Variants in FMO2 observed in about 807,000 individuals in gnomAD.
FMO2 encodes flavin-containing monooxygenase 2.
In FMO2, 33 loss-of-function variants were observed where a neutral mutation model predicts 41.6. That is an observed-to-expected ratio of 0.79 (90% CI 0.60 to 1.06). The LOEUF (loss-of-function observed/expected upper bound fraction) is 1.06, where lower values mean the gene tolerates loss of function less well. FMO2 is among the 50% of genes least tolerant of loss of function. The pLI, the probability that FMO2 is intolerant of heterozygous loss-of-function variation, is 0.00. For synonymous variants in FMO2, 214 were observed against 219.6 expected (o/e 0.97, Z 0.23); for missense variants, 619 against 632.9 (o/e 0.98, Z 0.23).
chr1:171,212,238 T>TTA lies in FMO2; in HGVS notation c.*3096_*3097dup, dbSNP rs1469435310. Among the ~76,000 whole-genome samples the TTA allele has an allele frequency of 5.9e-5, 9 of 152,178 alleles. No individual in the cohort carries two copies. The highest frequency in any genetic ancestry group is 2.2e-4 in the African/African-American group (9 of 41,442). On this transcript the variant is annotated 3_prime_UTR_variant, in exon 9 of 9. Coordinates refer to ENST00000209929, the MANE Select transcript of FMO2 (RefSeq NM_001460.5). ...TCCCATTATCTCAGGAGTGTGTTGG[T>TTA]TATAAAAGCAAGTTTGGCTCCCTCT...
At chr1:171,197,003 A>G (rs1245688513) in intron 4 of FMO2, among the ~76,000 whole-genome samples, 192 bp downstream of exon 4, 1 of 152,210 alleles carries the variant, frequency 6.6e-6, no homozygotes, top group African/African-American at 2.4e-5. Flanking sequence ...TTCATCACAC[A>G]TAGATCTCAG....
intron 7 of FMO2, 115 bp downstream of exon 7, chr1:171,205,749 G>A (rs1434974699): frequency 8.0e-6 from 5 of 628,914 alleles, no homozygotes; most frequent in Non-Finnish European, 1.3e-5. Flanking sequence ...TGACAACCTT[G>A]GCTGCTCTCA....
intron 5 of FMO2, among the ~76,000 whole-genome samples, chr1:171,201,054 A>G (rs552416837): frequency 2.0e-5 from 3 of 152,314 alleles, no homozygotes; most frequent in South Asian, 4.1e-4. Flanking sequence ...CTTGCCCTAC[A>G]GGAAGACTTA....
intron 2 of FMO2, among the ~76,000 whole-genome samples, chr1:171,191,977 G>A (rs1198880168): frequency 1.3e-5 from 2 of 151,984 alleles, no homozygotes; most frequent in Non-Finnish European, 2.9e-5. Context: ...TGATGCTGCC[G>A]TGAGCCATAA....
At position 171,185,736 on chromosome 1, in the gene FMO2, T is replaced by A. The variant is rs778169646; in HGVS notation, c.23T>A (p.Ile8Asn). MAKKVAV[I>N]GAGVSGLISL... Reference sequence around the variant, plus strand: ...CTGATGGCAAAGAAGGTAGCTGTGATTGGAGCTGGGGTCAGTGGCCTAATT... The same window carrying A: ...CTGATGGCAAAGAAGGTAGCTGTGAATGGAGCTGGGGTCAGTGGCCTAATT... Residue 8 changes from isoleucine to asparagine, a missense_variant, in exon 2 of 9, where the codon ATT (isoleucine) becomes AAT (asparagine). Coordinates refer to ENST00000209929, the MANE Select transcript of FMO2 (RefSeq NM_001460.5). 1 of 1,613,844 alleles carries A rather than the reference T, an allele frequency of 6.2e-7. No homozygotes were observed. Among genetic ancestry groups the A allele is most frequent in the Non-Finnish European group, 8.5e-7 (1 of 1,179,796 alleles).
In FMO2 at chr1:171,204,076, T is replaced by C; in HGVS notation, c.827+12T>C. 1.2e-6 allele frequency: 2 copies of C among 1,611,210 alleles called. No individual in the cohort carries two copies. Among genetic ancestry groups the C allele is most frequent in the Non-Finnish European group, 1.7e-6 (2 of 1,177,616 alleles). ...GAGCCTCAAAACAAGTAGAGTTATT[T>C]TGCTTTTTTAATGGTATACTCGTTG... On this transcript the variant is annotated intron_variant, in intron 6 of 8. Coordinates refer to ENST00000209929, the MANE Select transcript of FMO2 (RefSeq NM_001460.5).
At position 171,193,525 on chromosome 1, in the gene FMO2, T is replaced by TTCCTGACATATGCCAATTGCAAGATC; in HGVS notation, c.321+2_321+3insTCCTGACATATGCCAATTGCAAGATC. ...CTGCTAAAATATATTCAGTTCCAGG[T>TTCCTGACATATGCCAATTGCAAGATC]ATTGTATTTTTGGGGAAATGGGTTT... is the stretch of plus-strand genomic sequence containing the variant. On this transcript the variant is annotated splice_region_variant and intron_variant, in intron 3 of 8. Transcript: ENST00000209929. 6.3e-7 allele frequency: 1 copy of TTCCTGACATATGCCAATTGCAAGATC among 1,581,562 alleles called. No individual in the cohort carries two copies. Among genetic ancestry groups the TTCCTGACATATGCCAATTGCAAGATC allele is most frequent in the Non-Finnish European group, 8.7e-7 (1 of 1,155,298 alleles).
chr1:171,198,926 A>G (rs1658411956), intron 4 of FMO2, among the ~76,000 whole-genome samples: 1 of 151,680 alleles, frequency 6.6e-6, no homozygotes, highest in Non-Finnish European at 1.5e-5. Context: ...TGGTGTTGTG[A>G]CAGTCTCACT....
chr1:171,208,241 C>G (rs1658844178), intron 8 of FMO2, among the ~76,000 whole-genome samples: 1 of 152,112 alleles, frequency 6.6e-6, no homozygotes, highest in African/African-American at 2.4e-5. Flanking sequence ...AGGATTTGTA[C>G]TTTGTGATGA....
intron 4 of FMO2, among the ~76,000 whole-genome samples, chr1:171,197,958 C>T (rs1487014615): frequency 6.6e-6 from 1 of 152,146 alleles, no homozygotes; most frequent in Non-Finnish European, 1.5e-5. Context: ...ACTTCCTTCC[C>T]CTATAAAATA....
At chr1:171,205,161 G>A in intron 6 of FMO2, 118 bp from the exon 7 acceptor site, 2 of 601,028 alleles carry the variant, frequency 3.3e-6, no homozygotes, top group South Asian at 4.8e-5. Flanking sequence ...TTAAGTTAGA[G>A]TTTTACAGAT....
chr1:171,199,459 G>C lies in FMO2; in HGVS notation c.598G>C (p.Ala200Pro). 1 of 1,612,436 alleles carries C rather than the reference G, an allele frequency of 6.2e-7. No individual in the cohort carries two copies. Among genetic ancestry groups the C allele is most frequent in the Non-Finnish European group, 8.5e-7 (1 of 1,179,286 alleles). ...AATGGGAAACTCAGGCTCAGATATT[G>C]CTGTTGAGCTGAGTAAGAATGCTGC... ...IGMGNSGSDIAVELSKNAAQV... is the reference protein window; with the variant it reads ...IGMGNSGSDIPVELSKNAAQV... The change falls in exon 5 of 9, where the codon GCT becomes CCT. Residue 200 changes from alanine (A) to proline (P), a missense_variant. Ala to Pro is a conservative substitution (Grantham distance 27, BLOSUM62 -1). Coordinates refer to ENST00000209929, the MANE Select transcript of FMO2 (RefSeq NM_001460.5).
intron 3 of FMO2, among the ~76,000 whole-genome samples, chr1:171,195,211 C>A (rs1658254313): frequency 2.0e-5 from 3 of 152,136 alleles, no homozygotes; most frequent in Admixed American, 2.0e-4. Flanking sequence ...TGGTGTAAGT[C>A]ATAGGTGTTA....
At chr1:171,193,561 G>A (rs750290912) in intron 3 of FMO2, 38 bp downstream of exon 3, 6 of 1,292,808 alleles carry the variant, frequency 4.6e-6, no homozygotes, top group Non-Finnish European at 6.6e-6. Context: ...CTCTGCATTA[G>A]TTCAGCTCAT....
Position 171,205,403 on chromosome 1 carries a change from G to T in FMO2, c.952G>T (p.Val318Leu). Residue 318 changes from valine to leucine, a missense_variant, in exon 7 of 9, where the codon GTG becomes TTG. Transcript: ENST00000209929. ...ETSAIFEDGT[V>L]EENIDVIIFA... ...TTCTGCCATCTTTGAGGATGGAACA[G>T]TGGAGGAGAACATTGATGTCATCAT... The T allele has an allele frequency of 6.2e-7, 1 of 1,613,894 alleles. No individual in the cohort carries two copies.
Position 171,205,638 on chromosome 1 carries a change from A to C in FMO2, c.1183+4A>C. On this transcript the variant is annotated splice_donor_region_variant and intron_variant, in intron 7 of 8. Transcript: ENST00000209929. ...TGGGTGACAAGAGTTTTCAAAGGTA[A>C]GTGTGTAGGCAGGTGAGTGGCTAAG... The C allele has an allele frequency of 6.3e-7, 1 of 1,589,922 alleles. No individual in the cohort carries two copies. The highest frequency in any genetic ancestry group is 8.6e-7 in the Non-Finnish European group (1 of 1,164,960).
chr1:171,205,286 A>G lies in FMO2; in HGVS notation c.835A>G (p.Met279Val). The G allele has an allele frequency of 6.3e-7, 1 of 1,595,164 alleles. No individual in the cohort carries two copies. ...YGLEPQNKYI[M>V]KEPVLNDDVP... ...TTCTTCTGTATGTCTCAGATACATT[A>G]TGAAGGAACCTGTACTAAATGATGA... Residue 279 changes from methionine (M) to valine (V), a missense_variant, in exon 7 of 9, where the codon ATG (methionine) becomes GTG (valine). Physicochemically the swap from Met to Val is conservative, Grantham distance 21 (BLOSUM62 1). Coordinates refer to ENST00000209929, the MANE Select transcript of FMO2 (RefSeq NM_001460.5).
At chr1:171,201,933 G>A (rs956097307) in intron 5 of FMO2, among the ~76,000 whole-genome samples, 15 of 152,144 alleles carry the variant, frequency 9.9e-5, no homozygotes, top group Admixed American at 6.5e-5. Context: ...ATCTCCACCT[G>A]GTCCTGCCCT....
chr1:171,200,092 T>G (rs1257166922), intron 5 of FMO2, among the ~76,000 whole-genome samples: 4 of 152,138 alleles, frequency 2.6e-5, no homozygotes, highest in South Asian at 2.1e-4. Flanking sequence ...TTTTAGAAAT[T>G]TAGTGTGTAT....
Sources: gnomAD v4.1 joint callset for allele counts (sites outside exome capture counted in the v4.1 genomes callset) on GRCh38, gnomAD v4.1.1 for gene constraint, MANE v1.5 for transcripts, NCBI Gene and HGNC (gene_info 2026-07-23, HGNC 2026-07-21) for gene names.